The following CES5A variants were observed in gnomAD, a reference collection of about 807,000 sequenced individuals.
CES5A encodes the protein carboxylesterase 5.
CES5A carries 67 observed loss-of-function variants against 62.9 expected under a neutral mutation model. That is an observed-to-expected ratio of 1.07 (90% confidence interval 0.88 to 1.31). The LOEUF is 1.31. Ranked by LOEUF, CES5A falls within the 50% of genes most tolerant of loss-of-function variation. The probability of loss-of-function intolerance (pLI) is 0.00; values close to 1 mark genes in which losing one functional copy is unlikely to be tolerated. For missense variants in CES5A, 748 were observed against 708.5 expected, an observed-to-expected ratio of 1.06 and a Z score of -0.63; for synonymous variants, 296 against 280.8, an observed-to-expected ratio of 1.05 and a Z score of -0.54.
At chr16:55,864,928 C>T (rs1358483350) in intron 5 of CES5A, among the ~76,000 whole-genome samples, 5 of 151,406 alleles carry the variant, frequency 3.3e-5, no homozygotes, top group African/African-American at 1.2e-4. Flanking sequence ...TTGCTGTCAC[C>T]GGACACGGTG....
At chr16:55,889,185 A>T (rs77540222) in intron 1 of CES5A, among the ~76,000 whole-genome samples, 1,682 of 152,198 alleles carry the variant, frequency 0.011, 61 homozygotes, top group Admixed American at 0.081. Flanking sequence ...ACACCATTCA[A>T]CGCAATGCTT....
upstream of CES5A, among the ~76,000 whole-genome samples, chr16:55,928,248 A>C (rs1182228226): frequency 3.9e-5 from 6 of 152,166 alleles, no homozygotes; most frequent in African/African-American, 1.4e-4. Context: ...GTCTCAAAAA[A>C]AAAAAATCAT....
At position 55,882,490 on chromosome 16, in the gene CES5A, C is replaced by T. The variant is rs116502243; in HGVS notation, c.-255-8453G>A. Among the ~76,000 whole-genome samples, 571 of 152,324 alleles carry T rather than the reference C, an allele frequency of 3.7e-3. 4 individuals carry two copies. Among genetic ancestry groups the T allele is most frequent in the African/African-American group, 0.012 (493 of 41,574 alleles). ...CTTCTCCTATCCCTGACGTTTCCACCGTCACAGGCCTGCCAAATCATATCA... is the reference window on the plus strand; with the variant it reads ...CTTCTCCTATCCCTGACGTTTCCACTGTCACAGGCCTGCCAAATCATATCA... On this transcript the variant is annotated intron_variant, in intron 1 of 12. Coordinates refer to the CES5A transcript ENST00000518005.
chr16:55,940,673 T>C (rs2034436272), intron 2 of CES5A, among the ~76,000 whole-genome samples: 1 of 151,954 alleles, frequency 6.6e-6, no homozygotes, highest in African/African-American at 2.4e-5. Flanking sequence ...ACCCAACTCA[T>C]TTCATGAAGC....
At chr16:55,948,530 T>A (rs995178066) in intron 2 of CES5A, among the ~76,000 whole-genome samples, 8 of 152,168 alleles carry the variant, frequency 5.3e-5, no homozygotes, top group African/African-American at 7.2e-5. Flanking sequence ...TTAATTTACA[T>A]TGTCAGGGTG....
chr16:55,908,136 C>T (rs1305898001), intron 1 of CES5A, among the ~76,000 whole-genome samples: 2 of 152,078 alleles, frequency 1.3e-5, no homozygotes, highest in Non-Finnish European at 2.9e-5. Context: ...TCAATTTGCT[C>T]CCCTCTAGCC....
chr16:55,924,779 G>A (rs1184585518), intron 1 of CES5A, among the ~76,000 whole-genome samples: 1 of 150,344 alleles, frequency 6.7e-6, no homozygotes, highest in African/African-American at 2.4e-5. Flanking sequence ...ACATTTAAAG[G>A]ACAATAAATG....
intron 2 of CES5A, among the ~76,000 whole-genome samples, chr16:55,947,608 G>A (rs117278268): frequency 0.011 from 1,733 of 152,242 alleles, 13 homozygotes; most frequent in Non-Finnish European, 0.019. Flanking sequence ...TGGCGAGGGA[G>A]ATGGTTAGTG....
chr16:55,943,446 C>A (rs989247856), intron 2 of CES5A, among the ~76,000 whole-genome samples: 1 of 152,180 alleles, frequency 6.6e-6, no homozygotes, highest in Non-Finnish European at 1.5e-5. Flanking sequence ...TGTTTTTCAA[C>A]GTGTTATCCC....
chr16:55,934,004 A>G (rs1186334406), intron 2 of CES5A, among the ~76,000 whole-genome samples: 7 of 151,870 alleles, frequency 4.6e-5, no homozygotes, highest in Non-Finnish European at 1.0e-4. Flanking sequence ...TTCTTGTCTC[A>G]GGGCCCTTGC....
intron 1 of CES5A, among the ~76,000 whole-genome samples, chr16:55,902,330 C>A (rs1423254273): frequency 1.3e-5 from 2 of 152,276 alleles, no homozygotes; most frequent in Admixed American, 1.3e-4. Context: ...GGATGGCCAT[C>A]CCCACTCTCC....
At chr16:55,941,877 C>T (rs945597732) in intron 2 of CES5A, among the ~76,000 whole-genome samples, 1 of 152,112 alleles carries the variant, frequency 6.6e-6, no homozygotes, top group Non-Finnish European at 1.5e-5. Flanking sequence ...TAGAACAGTA[C>T]ATCCTTCCAA....
intron 1 of CES5A, among the ~76,000 whole-genome samples, chr16:55,889,473 T>G (rs1374005988): frequency 2.6e-5 from 4 of 152,114 alleles, no homozygotes; most frequent in Admixed American, 1.3e-4. Context: ...AAGTCAACAC[T>G]TTACTCACTT....
chr16:55,925,244 A>G (rs146610967), intron 1 of CES5A: 6 of 152,248 alleles, frequency 3.9e-5, no homozygotes, highest in Non-Finnish European at 5.9e-5. Context: ...AATGGCCAAC[A>G]AGTATATGAA....
At position 55,854,531 on chromosome 16, in the gene CES5A, C is replaced by CTTTCTGTTTTCTTTCTTTTTTTTTTTTT. The variant is rs1555479325; in HGVS notation, c.1126-1504_1126-1503insAAAAAAAAAAAAAGAAAGAAAACAGAAA. On this transcript the variant is annotated intron_variant, in intron 9 of 12. Transcript: ENST00000290567. The stretch of plus-strand genomic sequence containing the variant: ...TGAGGGATATCTGCCTGTAGTGTTT[C>CTTTCTGTTTTCTTTCTTTTTTTTTTTTT]TTTTTTTTTTTTCTTTTTTTTTTTT... Among the ~76,000 whole-genome samples the CTTTCTGTTTTCTTTCTTTTTTTTTTTTT allele has an allele frequency of 1.7e-4, 9 of 52,158 alleles. 2 individuals are homozygous for CTTTCTGTTTTCTTTCTTTTTTTTTTTTT. Among genetic ancestry groups the CTTTCTGTTTTCTTTCTTTTTTTTTTTTT allele is most frequent in the African/African-American group, 1.8e-4 (2 of 11,148 alleles). The allele number at this position is 52,158 out of a possible 152,430, so 34.2% of individuals were successfully genotyped here. A position where few individuals can be genotyped will look rare whatever the true frequency, so the allele number is the denominator to read the frequency against.
At chr16:55,856,271 T>G in intron 9 of CES5A, 106 bp downstream of exon 9, 1 of 919,032 alleles carries the variant, frequency 1.1e-6, no homozygotes, top group Non-Finnish European at 1.8e-6. Context: ...AATGACTGAG[T>G]GAGTGAGGAG....
intron 5 of CES5A, 119 bp downstream of exon 5, chr16:55,865,844 A>G (rs2033445242): frequency 1.8e-6 from 2 of 1,140,316 alleles, no homozygotes; most frequent in Admixed American, 1.9e-5. Flanking sequence ...CTTGAAAAAG[A>G]CAATGTGTAT....
chr16:55,933,761 C>T (rs1186884517), intron 2 of CES5A, among the ~76,000 whole-genome samples: 2 of 152,150 alleles, frequency 1.3e-5, no homozygotes, highest in Non-Finnish European at 2.9e-5. Context: ...CTCACCTGGA[C>T]CACTGAAACA....
Position 55,846,619 on chromosome 16 carries a change from C to A in CES5A, c.1560G>T (p.Gln520His). The change falls in exon 13 of 13, where the codon CAG becomes CAT. Residue 520 changes from glutamine to histidine, a missense_variant. Transcript: ENST00000290567. ...PAYNLTEQYLQLDLNMSLGQR... is the reference protein window; with the variant it reads ...PAYNLTEQYLHLDLNMSLGQR... ...GTCCGAGGCTCATGTTCAAGTCCAG[C>A]TGGAGGTACTGCTCAGTCAGATTAT... 1 of 1,614,160 alleles carries A rather than the reference C, an allele frequency of 6.2e-7. No homozygotes were observed. The highest frequency in any genetic ancestry group is 1.3e-5 in the African/African-American group (1 of 75,042).
Sources: gnomAD v4.1 joint callset for allele counts (sites outside exome capture counted in the v4.1 genomes callset) on GRCh38, gnomAD v4.1.1 for gene constraint, MANE v1.5 for transcripts, NCBI Gene and HGNC (gene_info 2026-07-23, HGNC 2026-07-21) for gene names.